The following TLE3 variants were observed in gnomAD, a reference collection of about 807,000 sequenced individuals.
TLE3 encodes the protein transducin-like enhancer protein 3.
TLE3 carries 14 observed loss-of-function variants against 93.0 expected under a neutral mutation model. The observed-to-expected ratio is 0.15, with a 90% CI of 0.10 to 0.24. TLE3 has a LOEUF of 0.24. TLE3 is among the 10% of genes least tolerant of loss of function. TLE3 has a pLI of 1.00. For synonymous variants in TLE3, 451 were observed against 425.0 expected (o/e 1.06, Z -0.75); for missense variants, 693 against 1,046.6 (o/e 0.66, Z 4.66).
In TLE3 at chr15:70,054,631, T is replaced by A; in HGVS notation, c.1633A>T (p.Ile545Phe). ...AGCGTGCTGGCCTCGCCGCCCACGATGAGCGTGCGCCCATCAGGGAGCAGC... is the reference window on the plus strand; with the variant it reads ...AGCGTGCTGGCCTCGCCGCCCACGAAGAGCGTGCGCCCATCAGGGAGCAGC... ...CKLLPDGRTLIVGGEASTLTI... is the reference protein window; with the variant it reads ...CKLLPDGRTLFVGGEASTLTI... The change falls in exon 16 of 20, where the codon ATC (isoleucine) becomes TTC (phenylalanine). Residue 545 changes from isoleucine (I) to phenylalanine (F), a missense_variant. By Grantham distance (21) the Ile-to-Phe change is conservative. Around this residue, in one of 4 missense-constraint regions of TLE3, gnomAD observed 153 missense variants for 379.9 expected, o/e 0.40. Transcript: ENST00000451782. 1 of 1,611,808 alleles carries A rather than the reference T, an allele frequency of 6.2e-7. No homozygotes were observed. Among genetic ancestry groups the A allele is most frequent in the Non-Finnish European group, 8.5e-7 (1 of 1,178,684 alleles).
chr15:70,089,555 C>A (rs889477069), intron 4 of TLE3, among the ~76,000 whole-genome samples: 1 of 152,206 alleles, frequency 6.6e-6, no homozygotes, highest in Non-Finnish European at 1.5e-5. Flanking sequence ...GAACTCTACT[C>A]TCAGATAACC....
At chr15:70,065,406 T>A (rs1197509733) in intron 7 of TLE3, among the ~76,000 whole-genome samples, 1 of 152,212 alleles carries the variant, frequency 6.6e-6, no homozygotes, top group Non-Finnish European at 1.5e-5. Flanking sequence ...ACTCCAAGTC[T>A]ATGTGATCTC....
At chr15:70,054,321 G>C (rs1238069724) in intron 16 of TLE3, 117 bp downstream of exon 16, 1 of 1,444,612 alleles carries the variant, frequency 6.9e-7, no homozygotes, top group South Asian at 1.4e-5. Context: ...TCATCCCAAC[G>C]GTTCTGGCCA....
intron 8 of TLE3, among the ~76,000 whole-genome samples, chr15:70,061,811 T>C (rs2056492948): frequency 6.6e-6 from 1 of 152,174 alleles, no homozygotes; most frequent in Non-Finnish European, 1.5e-5. Flanking sequence ...CAGGAGCTCA[T>C]GGTCCAGCTA....
At chr15:70,094,498 A>ATGAAATATATT (rs2058456691) in intron 4 of TLE3, 34 bp downstream of exon 4, 1 of 1,494,346 alleles carries the variant, frequency 6.7e-7, no homozygotes, top group East Asian at 2.5e-5. Flanking sequence ...TTTTTAAAAA[A>ATGAAATATATT]TGAAATATAT....
At chr15:70,065,968 T>C (rs780543526) in intron 7 of TLE3, 46 bp downstream of exon 7, 1 of 1,340,326 alleles carries the variant, frequency 7.5e-7, no homozygotes, top group South Asian at 1.2e-5. Context: ...TGAGCGCCCA[T>C]GCCCACCCCT....
intron 3 of TLE3, chr15:70,094,814 C>T: frequency 2.0e-6 from 1 of 512,442 alleles, no homozygotes; most frequent in East Asian, 3.2e-5. Context: ...CTGGGCCTTC[C>T]CTCCCACAAG....
intron 16 of TLE3, 110 bp from the exon 17 acceptor site, chr15:70,053,484 T>C: frequency 7.7e-7 from 1 of 1,296,068 alleles, no homozygotes; most frequent in Non-Finnish European, 1.1e-6. Flanking sequence ...CCCAGAAGAG[T>C]GCACTATGCG....
In TLE3 at chr15:70,057,593, G is replaced by A; in HGVS notation, c.1117C>T (p.His373Tyr). Residue 373 changes from histidine to tyrosine, a missense_variant, in exon 13 of 20, where the codon CAC (histidine) becomes TAC (tyrosine). By Grantham distance (83) the His-to-Tyr change is moderately conservative (BLOSUM62 2). Around this residue, in one of 4 missense-constraint regions of TLE3, gnomAD observed 405 missense variants for 468.9 expected, o/e 0.86. Coordinates refer to ENST00000451782, the MANE Select transcript of TLE3 (RefSeq NM_001105192.3). ...GTGAGGGAGCCGTTCATCTCATGGT[G>A]GCTCATCATGGCGAAGGGCGCCGCA... The part of the protein sequence containing the change: ...SYAAPFAMMS[H>Y]HEMNGSLTSP... The A allele has an allele frequency of 1.3e-6, 2 of 1,596,110 alleles. No homozygotes were observed. The highest frequency in any genetic ancestry group is 1.1e-5 in the South Asian group (1 of 88,454).
At chr15:70,051,262 G>T in intron 19 of TLE3, 129 bp downstream of exon 19, 1 of 883,576 alleles carries the variant, frequency 1.1e-6, no homozygotes, top group Non-Finnish European at 1.7e-6. Flanking sequence ...GTGGGGAGGG[G>T]ACCAGGGCAG....
chr15:70,049,440 T>A lies in TLE3; in HGVS notation c.*657A>T, dbSNP rs2055327535. 6.7e-6 allele frequency: 1 copy of A among 149,584 alleles called. No homozygotes were observed. 9.3% of individuals were successfully genotyped at this position (149,584 alleles called of 1,614,324 possible). A position where few individuals can be genotyped will look rare whatever the true frequency, so the allele number is the denominator to read the frequency against. On this transcript the variant is annotated 3_prime_UTR_variant, in exon 20 of 20. Coordinates refer to ENST00000451782, the MANE Select transcript of TLE3 (RefSeq NM_001105192.3). ...CAACCTGGTTGCCTTTTCCACACTCTAAGACTTTTCTCCTCTTTCTTCAAT... is the reference window on the plus strand; with the variant it reads ...CAACCTGGTTGCCTTTTCCACACTCAAAGACTTTTCTCCTCTTTCTTCAAT...
At position 70,053,213 on chromosome 15, in the gene TLE3, C is replaced by T; in HGVS notation, c.1974+14G>A. ...CACTGCTCTTTGGGAAGGGAGGAGT[C>T]TTGGGCCGCACACCTGGGAAGTGAA... On this transcript the variant is annotated intron_variant, in intron 17 of 19. Transcript: ENST00000451782. 1 of 1,605,580 alleles carries T rather than the reference C, an allele frequency of 6.2e-7. No homozygotes were observed. The highest frequency in any genetic ancestry group is 1.3e-5 in the African/African-American group (1 of 74,936).
intron 4 of TLE3, chr15:70,079,535 G>A: frequency 2.4e-6 from 1 of 410,320 alleles, no homozygotes; most frequent in Non-Finnish European, 4.8e-6. Context: ...ACCCTCTTGG[G>A]GTCTCCCCAC....
At chr15:70,095,670 C>G (rs1224147934) in intron 2 of TLE3, 29 bp from the exon 3 acceptor site, 1 of 1,550,606 alleles carries the variant, frequency 6.4e-7, no homozygotes, top group Non-Finnish European at 8.7e-7. Flanking sequence ...CCGGCTCAGG[C>G]GTGGCGCCTG....
rs2057679784 is a variant in TLE3 at position 70,079,964 on chromosome 15, C to G, written c.235-3806G>C. 2.6e-5 allele frequency among the ~76,000 whole-genome samples: 4 copies of G among 151,858 alleles called. No individual in the cohort carries two copies. In the South Asian group the frequency reaches 8.3e-4, roughly 32 times the overall value. ...AGAAATATTTTTGAAAGAAAAACCACCATTAAGGTTAATAATTGACAGCAC... is the reference window on the plus strand; with the variant it reads ...AGAAATATTTTTGAAAGAAAAACCAGCATTAAGGTTAATAATTGACAGCAC... On this transcript the variant is annotated intron_variant, in intron 4 of 19. Coordinates refer to ENST00000451782, the MANE Select transcript of TLE3 (RefSeq NM_001105192.3).
At chr15:70,096,743 A>G in intron 1 of TLE3, 32 bp downstream of exon 1, 1 of 1,612,314 alleles carries the variant, frequency 6.2e-7, no homozygotes, top group Non-Finnish European at 8.5e-7. Flanking sequence ...GCCATGATAG[A>G]TGCTTAAATA....
intron 4 of TLE3, among the ~76,000 whole-genome samples, chr15:70,082,037 G>A (rs1286084853): frequency 6.6e-6 from 1 of 152,236 alleles, no homozygotes; most frequent in Non-Finnish European, 1.5e-5. Context: ...TCCCAGAGCT[G>A]CAGGGAAAGG....
At chr15:70,081,658 C>A (rs1412990545) in intron 4 of TLE3, among the ~76,000 whole-genome samples, 3 of 152,220 alleles carry the variant, frequency 2.0e-5, no homozygotes, top group South Asian at 2.1e-4. Context: ...GACAGGCAAG[C>A]GGCCATCCCA....
At chr15:70,091,877 C>T (rs936640062) in intron 4 of TLE3, among the ~76,000 whole-genome samples, 6 of 152,146 alleles carry the variant, frequency 3.9e-5, no homozygotes, top group South Asian at 2.1e-4. Context: ...TGGTGGAGTG[C>T]GTGTGCGTGT....
Sources: gnomAD v4.1 joint callset for allele counts (sites outside exome capture counted in the v4.1 genomes callset) on GRCh38, gnomAD v4.1.1 for gene constraint, gnomAD v4.1.1 regional missense constraint, MANE v1.5 for transcripts, NCBI Gene and HGNC (gene_info 2026-07-23, HGNC 2026-07-21) for gene names.